Variants in CEP85L observed in about 807,000 individuals in gnomAD.
The protein encoded by CEP85L is centrosomal protein 85L.
A neutral mutation model predicts 100.3 loss-of-function variants in CEP85L; 60 were observed. That is an observed-to-expected ratio of 0.60 (90% CI 0.49 to 0.74). CEP85L has a LOEUF of 0.74. Among genes scored for constraint, CEP85L ranks in the 30% least tolerant of loss-of-function variants. CEP85L has a pLI of 0.00. For missense variants in CEP85L, 973 were observed against 936.2 expected, an observed-to-expected ratio of 1.04 and a Z score of -0.51; for synonymous variants, 319 against 322.7, an observed-to-expected ratio of 0.99 and a Z score of 0.12.
At chr6:118,676,178 A>G (rs1776475994) in intron 1 of CEP85L, among the ~76,000 whole-genome samples, 1 of 152,208 alleles carries the variant, frequency 6.6e-6, no homozygotes, top group East Asian at 1.9e-4. Flanking sequence ...ACATGGTGGA[A>G]TGATTAAATC....
At chr6:118,466,348 C>A (rs1195698130) in intron 12 of CEP85L, among the ~76,000 whole-genome samples, 2 of 152,164 alleles carry the variant, frequency 1.3e-5, no homozygotes, top group Non-Finnish European at 2.9e-5. Context: ...AACTGAACAT[C>A]TGCCATGATA....
chr6:118,483,759 T>C lies in CEP85L; in HGVS notation c.1537A>G (p.Lys513Glu), dbSNP rs1773968890. The change falls in exon 7 of 13, where the codon AAG becomes GAG. Residue 513 changes from lysine (K) to glutamate (E), a missense_variant. By Grantham distance (56) the Lys-to-Glu change is moderately conservative. Transcript: ENST00000368491. ...EKQRRIETLE[K>E]YLADLPTLDD... ...AGAGTTGGAAGATCAGCCAGATACTTTTCCAAGGTCTCAATTCTTCTCTGC... is the reference window on the plus strand; with the variant it reads ...AGAGTTGGAAGATCAGCCAGATACTCTTCCAAGGTCTCAATTCTTCTCTGC... 6.2e-7 allele frequency: 1 copy of C among 1,613,942 alleles called. No homozygotes were observed. The highest frequency in any genetic ancestry group is 8.5e-7 in the Non-Finnish European group (1 of 1,179,892).
rs1562297654 is a variant in CEP85L, at chr6:118,600,297, GGGGGTGTGT to G, written c.232+32147_232+32155del. ...GTACTGCCTGTCCCTGAGCCTTCCT[GGGGGTGTGT>G]GTGTGTGTGTGTGTGTGTGTGTGTG... On this transcript the variant is annotated intron_variant, in intron 2 of 12. Transcript: ENST00000368491. Among the ~76,000 whole-genome samples the G allele has an allele frequency of 1.4e-3, 85 of 61,292 alleles. 10 individuals carry two copies. Among genetic ancestry groups the G allele is most frequent in the African/African-American group, 4.8e-3 (73 of 15,266 alleles). 40.2% of individuals were successfully genotyped at this position (61,292 alleles called of 152,430 possible).
At chr6:118,614,877 T>C (rs200826463) in intron 2 of CEP85L, among the ~76,000 whole-genome samples, 23,516 of 109,974 alleles carry the variant, frequency 0.21, 1,961 homozygotes, top group African/African-American at 0.25. Flanking sequence ...GATAGATAGA[T>C]AGATAGATAG....
At chr6:118,708,343 CTG>C (rs1438824670) in intron 1 of CEP85L, among the ~76,000 whole-genome samples, 1 of 152,196 alleles carries the variant, frequency 6.6e-6, no homozygotes, top group Non-Finnish European at 1.5e-5. Context: ...ATTTGCAAGA[CTG>C]TAAAATACAA....
chr6:118,605,324 C>G (rs1217036384), intron 2 of CEP85L, among the ~76,000 whole-genome samples: 1 of 152,218 alleles, frequency 6.6e-6, no homozygotes, highest in Non-Finnish European at 1.5e-5. Context: ...TCATGGAAGT[C>G]TCATCTCCCA....
chr6:118,649,228 G>GA (rs1352163522), intron 1 of CEP85L, among the ~76,000 whole-genome samples: 4 of 151,750 alleles, frequency 2.6e-5, no homozygotes, highest in East Asian at 1.9e-4. Flanking sequence ...GCATGTAACT[G>GA]AAAAAAAACT....
At chr6:118,674,429 C>A (rs1776415148) in intron 1 of CEP85L, among the ~76,000 whole-genome samples, 1 of 151,392 alleles carries the variant, frequency 6.6e-6, no homozygotes. Flanking sequence ...GAGGCTGAAG[C>A]AGGAGAATTG....
At chr6:118,690,719 C>T (rs9489501) in intron 1 of CEP85L, among the ~76,000 whole-genome samples, 4,193 of 152,220 alleles carry the variant, frequency 0.028, 90 homozygotes, top group African/African-American at 0.05. Flanking sequence ...AAAGAAAGGG[C>T]TTGGCATAGT....
intron 5 of CEP85L, among the ~76,000 whole-genome samples, chr6:118,499,924 T>C (rs767779443): frequency 1.2e-4 from 18 of 151,950 alleles, no homozygotes; most frequent in African/African-American, 2.4e-4. Flanking sequence ...GGTATACTGA[T>C]TGGAAAGGAA....
chr6:118,655,347 G>A (rs956681875), upstream of CEP85L, among the ~76,000 whole-genome samples: 6 of 152,324 alleles, frequency 3.9e-5, no homozygotes, highest in African/African-American at 1.4e-4. Context: ...GGGTGTGGGA[G>A]GGATAGAATT....
At chr6:118,673,396 A>G (rs1776379283) in intron 1 of CEP85L, among the ~76,000 whole-genome samples, 1 of 152,218 alleles carries the variant, frequency 6.6e-6, no homozygotes, top group Admixed American at 6.5e-5. Context: ...TTTACAGGCA[A>G]ATGTGCCATA....
At chr6:118,615,423 C>T (rs796313310) in intron 2 of CEP85L, among the ~76,000 whole-genome samples, 30 of 117,394 alleles carry the variant, frequency 2.6e-4, no homozygotes, top group African/African-American at 8.8e-4. Flanking sequence ...ATAACTCTAC[C>T]CAAAAAGTAA....
intron 1 of CEP85L, among the ~76,000 whole-genome samples, chr6:118,679,214 T>G (rs767389552): frequency 2.0e-5 from 3 of 152,232 alleles, no homozygotes; most frequent in Non-Finnish European, 4.4e-5. Context: ...ACTCCTATTA[T>G]TTTTAATTTA....
chr6:118,675,375 G>T (rs1377284196), intron 1 of CEP85L, among the ~76,000 whole-genome samples: 2 of 151,928 alleles, frequency 1.3e-5, no homozygotes, highest in East Asian at 3.9e-4. Context: ...TGACTATGGG[G>T]TTTCCTTTGT....
chr6:118,550,168 A>G (rs1001693862), intron 3 of CEP85L, among the ~76,000 whole-genome samples: 1 of 151,968 alleles, frequency 6.6e-6, no homozygotes, highest in Admixed American at 6.6e-5. Context: ...TGACAGCACT[A>G]TCATTTCCTA....
intron 1 of CEP85L, among the ~76,000 whole-genome samples, chr6:118,681,113 G>A (rs1776643702): frequency 6.6e-6 from 1 of 152,200 alleles, no homozygotes; most frequent in Admixed American, 6.5e-5. Context: ...TTGATTGCCA[G>A]CTTTTTACCA....
chr6:118,613,399 G>T (rs1772786903), intron 2 of CEP85L, among the ~76,000 whole-genome samples: 1 of 152,084 alleles, frequency 6.6e-6, no homozygotes, highest in South Asian at 2.1e-4. Flanking sequence ...CAGATAATTT[G>T]AATTACTTTA....
At chr6:118,680,318 T>G (rs1285129173) in intron 1 of CEP85L, among the ~76,000 whole-genome samples, 2 of 149,736 alleles carry the variant, frequency 1.3e-5, no homozygotes, top group Non-Finnish European at 3.0e-5. Context: ...TTTTTTTTTT[T>G]TTTTTTTTTT....
Sources: gnomAD v4.1 joint callset for allele counts (sites outside exome capture counted in the v4.1 genomes callset) on GRCh38, gnomAD v4.1.1 for gene constraint, MANE v1.5 for transcripts, NCBI Gene and HGNC (gene_info 2026-07-23, HGNC 2026-07-21) for gene names.